Variants in STAC observed in about 807,000 individuals in gnomAD.
STAC encodes SH3 and cysteine rich domain.
Under a neutral mutation model 48.8 loss-of-function variants are expected in STAC, and 43 were observed. That is an observed-to-expected ratio of 0.88 (90% CI 0.69 to 1.14). STAC has a LOEUF of 1.14. Among genes scored for constraint, STAC ranks in the 50% most tolerant of loss-of-function variants. The pLI, the probability that STAC is intolerant of heterozygous loss-of-function variation, is 0.00. For missense variants in STAC, 497 were observed against 504.0 expected, an observed-to-expected ratio of 0.99 and a Z score of 0.13; for synonymous variants, 193 against 179.5, an observed-to-expected ratio of 1.07 and a Z score of -0.60.
intron 2 of STAC, among the ~76,000 whole-genome samples, chr3:36,475,584 A>C (rs1025144050): frequency 6.6e-6 from 1 of 152,208 alleles, no homozygotes; most frequent in African/African-American, 2.4e-5. Context: ...CAGAAATCTG[A>C]AGCATCTGTC....
chr3:36,462,264 A>C (rs749043506), intron 2 of STAC, among the ~76,000 whole-genome samples: 1 of 152,090 alleles, frequency 6.6e-6, no homozygotes, highest in Non-Finnish European at 1.5e-5. Flanking sequence ...GGAGTACGTG[A>C]AGTTGTGTAG....
intron 8 of STAC, among the ~76,000 whole-genome samples, chr3:36,510,221 C>A (rs941806517): frequency 2.6e-5 from 4 of 152,108 alleles, no homozygotes; most frequent in African/African-American, 4.8e-5. Flanking sequence ...CATCACTGGT[C>A]ATTAGAAAAA....
Position 36,484,985 on chromosome 3 carries a change from G to A in STAC, c.498G>A (p.Gly166=). ...CCTCATTCTCTCTCCAGCCAAAGGGGTTTCGGCGTTACTACAGCTCCCCCT... is the reference window on the plus strand; with the variant it reads ...CCTCATTCTCTCTCCAGCCAAAGGGATTTCGGCGTTACTACAGCTCCCCCT... The part of the protein sequence containing the change: ...PQRCMGKLPK[G]FRRYYSSPLL... The change falls in exon 4 of 11, where the codon GGG becomes GGA. Residue 166 remains glycine (G), a synonymous_variant. Coordinates refer to ENST00000273183, the MANE Select transcript of STAC (RefSeq NM_003149.3). 6.2e-7 allele frequency: 1 copy of A among 1,600,572 alleles called. No individual in the cohort carries two copies. The highest frequency in any genetic ancestry group is 8.5e-7 in the Non-Finnish European group (1 of 1,173,408).
chr3:36,535,543 T>C (rs1418838491), intron 10 of STAC, among the ~76,000 whole-genome samples: 1 of 152,216 alleles, frequency 6.6e-6, no homozygotes, highest in Admixed American at 6.5e-5. Context: ...ATCTTTTTTG[T>C]GCCAATTTTC....
intron 2 of STAC, among the ~76,000 whole-genome samples, chr3:36,454,335 C>T (rs1271369275): frequency 2.6e-5 from 4 of 151,990 alleles, no homozygotes; most frequent in African/African-American, 9.7e-5. Context: ...GACGCGTCGC[C>T]TTAAGAGCTG....
intron 8 of STAC, among the ~76,000 whole-genome samples, chr3:36,517,188 G>A (rs1398488618): frequency 6.6e-6 from 1 of 152,116 alleles, no homozygotes; most frequent in Non-Finnish European, 1.5e-5. Flanking sequence ...GGGCTACCCA[G>A]GTTCTCCTAT....
chr3:36,448,303 C>A (rs987925811), intron 2 of STAC, among the ~76,000 whole-genome samples: 1 of 152,060 alleles, frequency 6.6e-6, no homozygotes, highest in Non-Finnish European at 1.5e-5. Flanking sequence ...CTCACTGCAA[C>A]CTCCGTCTCC....
At chr3:36,465,471 C>T (rs1318767407) in intron 2 of STAC, among the ~76,000 whole-genome samples, 2 of 152,034 alleles carry the variant, frequency 1.3e-5, no homozygotes, top group Admixed American at 1.3e-4. Context: ...TAACTAAGTC[C>T]CATCTATTTA....
At chr3:36,433,551 C>G in intron 1 of STAC, among the ~76,000 whole-genome samples, 1 of 152,348 alleles carries the variant, frequency 6.6e-6, no homozygotes, top group Admixed American at 6.5e-5. Flanking sequence ...GATTAAAACA[C>G]TCAACTTCAC....
At chr3:36,483,229 C>T (rs1271644282) in intron 3 of STAC, 137 bp downstream of exon 3, 1 of 615,814 alleles carries the variant, frequency 1.6e-6, no homozygotes, top group Non-Finnish European at 2.8e-6. Context: ...GCTTGGCTTC[C>T]TAATTGGCGT....
At position 36,456,246 on chromosome 3, in the gene STAC, T is replaced by C. The variant is rs578075019; in HGVS notation, c.388+12606T>C. ...AAAGAGAAGTGCCAAGAATCACATA[T>C]AATTCAAACTGATGAAGGACGATGA... On this transcript the variant is annotated intron_variant, in intron 2 of 10. Coordinates refer to ENST00000273183, the MANE Select transcript of STAC (RefSeq NM_003149.3). 3.9e-5 allele frequency among the ~76,000 whole-genome samples: 6 copies of C among 152,280 alleles called. No individual in the cohort carries two copies. In the South Asian group the frequency reaches 1.0e-3, roughly 26 times the overall value.
chr3:36,537,116 A>G (rs1187550456), intron 10 of STAC, among the ~76,000 whole-genome samples: 1 of 152,186 alleles, frequency 6.6e-6, no homozygotes, highest in African/African-American at 2.4e-5. Context: ...AAATTAAACC[A>G]TTGTGGAAGA....
intron 4 of STAC, 86 bp downstream of exon 4, chr3:36,485,144 C>A (rs1697770714): frequency 3.6e-6 from 4 of 1,112,008 alleles, no homozygotes; most frequent in Admixed American, 2.2e-5. Context: ...GCTGCAAAAC[C>A]CGTGGGGTAT....
chr3:36,439,778 T>C (rs1489704624), intron 1 of STAC, among the ~76,000 whole-genome samples: 1 of 152,172 alleles, frequency 6.6e-6, no homozygotes, highest in Non-Finnish European at 1.5e-5. Context: ...AATGAATGAT[T>C]GTCTCATAGC....
At chr3:36,478,550 A>G (rs959185563) in intron 2 of STAC, among the ~76,000 whole-genome samples, 1 of 152,140 alleles carries the variant, frequency 6.6e-6, no homozygotes, top group African/African-American at 2.4e-5. Flanking sequence ...GCAGGAGTGC[A>G]GTGGCACAAT....
At chr3:36,518,257 G>C (rs1698721096) in intron 8 of STAC, among the ~76,000 whole-genome samples, 1 of 152,184 alleles carries the variant, frequency 6.6e-6, no homozygotes, top group Admixed American at 6.5e-5. Context: ...ACAAAGGATT[G>C]AGAGTAAATA....
At chr3:36,446,821 A>G (rs149685933) in intron 2 of STAC, among the ~76,000 whole-genome samples, 28 of 152,370 alleles carry the variant, frequency 1.8e-4, no homozygotes, top group African/African-American at 6.3e-4. Context: ...TATTAAATGG[A>G]GTCGTATTTC....
intron 2 of STAC, among the ~76,000 whole-genome samples, chr3:36,455,364 A>C (rs1465499998): frequency 2.6e-5 from 4 of 152,182 alleles, no homozygotes; most frequent in African/African-American, 9.6e-5. Context: ...GGATGCACTT[A>C]AGAGTTTTCT....
At chr3:36,397,134 A>G (rs2125621975) in intron 1 of STAC, among the ~76,000 whole-genome samples, 1 of 152,272 alleles carries the variant, frequency 6.6e-6, no homozygotes, top group Non-Finnish European at 1.5e-5. Context: ...TTAGTGATTA[A>G]TCTGGTAGTT....
Sources: gnomAD v4.1 joint callset for allele counts (sites outside exome capture counted in the v4.1 genomes callset) on GRCh38, gnomAD v4.1.1 for gene constraint, MANE v1.5 for transcripts, NCBI Gene and HGNC (gene_info 2026-07-23, HGNC 2026-07-21) for gene names.